KCNQ5: variants seen among roughly 807,000 people sequenced by gnomAD.
KCNQ5 encodes potassium voltage-gated channel subfamily KQT member 5.
In KCNQ5, 30 loss-of-function variants were observed where a neutral mutation model predicts 98.2. That is an observed-to-expected ratio of 0.31 (90% confidence interval 0.23 to 0.41). KCNQ5 has a LOEUF of 0.41. Ranked by LOEUF, KCNQ5 falls within the 10% of genes least tolerant of loss-of-function variation. KCNQ5 has a pLI of 1.00. For missense variants in KCNQ5, 835 were observed against 1,182.5 expected (o/e 0.71, Z 4.31); for synonymous variants, 458 against 449.4 (o/e 1.02, Z -0.24).
chr6:72,647,975 A>G lies in KCNQ5; in HGVS notation c.398+25388A>G, dbSNP rs182667741. Among the ~76,000 whole-genome samples, 53 of 152,284 alleles carry G rather than the reference A, an allele frequency of 3.5e-4. 1 individual carries two copies. The Middle Eastern group carries it at 0.01, about 29-fold the overall frequency. On this transcript the variant is annotated intron_variant, in intron 1 of 13. Coordinates refer to ENST00000370398, the MANE Select transcript of KCNQ5 (RefSeq NM_019842.4). ...AGACCTATTAAGTATAAAGAAGTGC[A>G]AGACAGCTTGATGGATTAGAACATG...
intron 1 of KCNQ5, among the ~76,000 whole-genome samples, chr6:72,760,209 G>T (rs1426334964): frequency 6.6e-6 from 1 of 152,100 alleles, no homozygotes; most frequent in Admixed American, 6.6e-5. Flanking sequence ...ATCAAGTCTG[G>T]TAATTCATGC....
intron 5 of KCNQ5, among the ~76,000 whole-genome samples, chr6:73,084,428 C>T (rs1473652819): frequency 3.9e-5 from 6 of 152,116 alleles, no homozygotes; most frequent in Admixed American, 1.3e-4. Flanking sequence ...TCATTTGGCC[C>T]ATATTACTGT....
At chr6:73,078,252 C>CT (rs1353169308) in intron 5 of KCNQ5, among the ~76,000 whole-genome samples, 1 of 151,874 alleles carries the variant, frequency 6.6e-6, no homozygotes, top group Non-Finnish European at 1.5e-5. Context: ...ATTTTCCGCT[C>CT]TTCAAAAGTT....
At chr6:72,918,971 TTC>T (rs1780279396) in intron 1 of KCNQ5, among the ~76,000 whole-genome samples, 1 of 152,198 alleles carries the variant, frequency 6.6e-6, no homozygotes, top group African/African-American at 2.4e-5. Flanking sequence ...TCGTCTTCTT[TTC>T]TCTCTTTTTG....
chr6:72,680,590 G>T (rs1381510454), intron 1 of KCNQ5, among the ~76,000 whole-genome samples: 1 of 152,162 alleles, frequency 6.6e-6, no homozygotes, highest in Non-Finnish European at 1.5e-5. Flanking sequence ...GATACCTTCA[G>T]AAAGAAAAAC....
At chr6:72,995,779 C>T (rs1452444190) in intron 1 of KCNQ5, among the ~76,000 whole-genome samples, 1 of 152,146 alleles carries the variant, frequency 6.6e-6, no homozygotes, top group African/African-American at 2.4e-5. Flanking sequence ...AATATAAAGA[C>T]TTTCCAGAAA....
chr6:72,668,553 T>C (rs1207064570), intron 1 of KCNQ5, among the ~76,000 whole-genome samples: 3 of 152,078 alleles, frequency 2.0e-5, no homozygotes, highest in Non-Finnish European at 2.9e-5. Flanking sequence ...TTACTCCAGG[T>C]GTAACCAGAA....
intron 1 of KCNQ5, among the ~76,000 whole-genome samples, chr6:72,983,322 T>C (rs1414921860): frequency 1.3e-5 from 2 of 152,186 alleles, no homozygotes; most frequent in African/African-American, 4.8e-5. Context: ...CAAATGTAGA[T>C]TTTGTCTTTT....
At chr6:72,890,722 T>C (rs1203508310) in intron 1 of KCNQ5, among the ~76,000 whole-genome samples, 1 of 152,216 alleles carries the variant, frequency 6.6e-6, no homozygotes. Flanking sequence ...GTGTCTTAAC[T>C]AAAAGTAAAG....
At chr6:72,791,240 A>T (rs1045612532) in intron 1 of KCNQ5, among the ~76,000 whole-genome samples, 1 of 152,220 alleles carries the variant, frequency 6.6e-6, no homozygotes, top group Non-Finnish European at 1.5e-5. Context: ...AAAAGAGGCC[A>T]AAGTGTGCTG....
chr6:72,686,421 C>T (rs533963033), intron 1 of KCNQ5, among the ~76,000 whole-genome samples: 1 of 152,212 alleles, frequency 6.6e-6, no homozygotes, highest in East Asian at 1.9e-4. Flanking sequence ...TTCATATGTT[C>T]ATCATTTAGC....
chr6:72,798,109 T>C (rs1774435853), intron 1 of KCNQ5, among the ~76,000 whole-genome samples: 1 of 152,128 alleles, frequency 6.6e-6, no homozygotes, highest in Non-Finnish European at 1.5e-5. Context: ...CTCTAATACT[T>C]AAAAAACAGA....
At chr6:72,966,878 TA>T (rs1233670282) in intron 1 of KCNQ5, among the ~76,000 whole-genome samples, 1 of 152,206 alleles carries the variant, frequency 6.6e-6, no homozygotes, top group Non-Finnish European at 1.5e-5. Context: ...CTGATTTCAA[TA>T]AAAGTTACCC....
chr6:73,103,685 G>A (rs910308128), intron 5 of KCNQ5, among the ~76,000 whole-genome samples: 5 of 151,972 alleles, frequency 3.3e-5, no homozygotes, highest in Admixed American at 6.6e-5. Context: ...GTAGAATGAT[G>A]GGTACCAGAG....
chr6:72,956,489 C>CTTTTTTT (rs35114790), intron 1 of KCNQ5, among the ~76,000 whole-genome samples: 13 of 111,996 alleles, frequency 1.2e-4, no homozygotes, highest in South Asian at 3.1e-4. Flanking sequence ...TTTCTTTTTT[C>CTTTTTTT]TTTTTTTTTT....
chr6:72,671,840 G>T (rs1184777866), intron 1 of KCNQ5, among the ~76,000 whole-genome samples: 1 of 151,216 alleles, frequency 6.6e-6, no homozygotes, highest in African/African-American at 2.4e-5. Context: ...TTTTTGAGAT[G>T]GAGTCTCGCT....
At chr6:72,688,954 T>G (rs1388542316) in intron 1 of KCNQ5, among the ~76,000 whole-genome samples, 2 of 152,128 alleles carry the variant, frequency 1.3e-5, no homozygotes, top group Non-Finnish European at 2.9e-5. Flanking sequence ...CATGTTAAAG[T>G]AAAAACAATT....
intron 1 of KCNQ5, among the ~76,000 whole-genome samples, chr6:72,687,835 C>CTTTT (rs531246586): frequency 7.4e-6 from 1 of 135,974 alleles, no homozygotes; most frequent in Non-Finnish European, 1.6e-5. Flanking sequence ...TTATTGATCC[C>CTTTT]TTTTTTTTTT....
chr6:72,822,404 T>C (rs74498411), intron 1 of KCNQ5, among the ~76,000 whole-genome samples: 6,123 of 152,288 alleles, frequency 0.04, 181 homozygotes, highest in South Asian at 0.096. Context: ...ATGATGTGCA[T>C]GTTTTTTTGG....
Sources: allele counts gnomAD v4.1 joint callset (sites outside exome capture counted in the v4.1 genomes callset), GRCh38; gene constraint gnomAD v4.1.1; transcripts MANE v1.5; gene names NCBI Gene and HGNC (gene_info 2026-07-23, HGNC 2026-07-21).